The following PROS1 variants were observed in gnomAD, a reference collection of about 807,000 sequenced individuals.
The protein encoded by PROS1 is vitamin K-dependent protein S.
A neutral mutation model predicts 75.9 loss-of-function variants in PROS1; 29 were observed. The observed-to-expected ratio is 0.38, with a 90% confidence interval of 0.28 to 0.52. The LOEUF (loss-of-function observed/expected upper bound fraction) is 0.52, where lower values mean the gene tolerates loss of function less well. Ranked by LOEUF, PROS1 falls within the 20% of genes least tolerant of loss-of-function variation. The pLI is 0.83. For missense variants in PROS1, 680 were observed against 810.3 expected (o/e 0.84, Z 1.95); for synonymous variants, 245 against 280.6 (o/e 0.87, Z 1.27).
At chr3:93,895,225 C>T (rs1342191249) in intron 9 of PROS1, among the ~76,000 whole-genome samples, 1 of 151,944 alleles carries the variant, frequency 6.6e-6, no homozygotes, top group East Asian at 1.9e-4. Context: ...ATTATCTACC[C>T]GAGGTTGGTT....
chr3:93,916,624 A>T (rs377021726), intron 3 of PROS1, among the ~76,000 whole-genome samples: 1 of 152,296 alleles, frequency 6.6e-6, no homozygotes, highest in East Asian at 1.9e-4. Flanking sequence ...GAGGGTAAAC[A>T]GGAAGGTGAA....
At chr3:93,888,726 C>T (rs577479578) in intron 10 of PROS1, among the ~76,000 whole-genome samples, 5 of 152,258 alleles carry the variant, frequency 3.3e-5, no homozygotes, top group East Asian at 1.9e-4. Context: ...ATCTTCTCTC[C>T]GCTGGGTTAT....
At chr3:93,906,880 C>A (rs1228306942) in intron 4 of PROS1, among the ~76,000 whole-genome samples, 1 of 152,208 alleles carries the variant, frequency 6.6e-6, no homozygotes, top group Non-Finnish European at 1.5e-5. Context: ...AAGCTCAGGG[C>A]AGCGCTAACA....
chr3:93,943,667 T>C (rs1280596686), intron 1 of PROS1, among the ~76,000 whole-genome samples: 1 of 152,150 alleles, frequency 6.6e-6, no homozygotes, highest in Non-Finnish European at 1.5e-5. Context: ...TTCTTATTAA[T>C]ATAAGAAGAC....
intron 1 of PROS1, among the ~76,000 whole-genome samples, chr3:93,960,034 G>A (rs971817436): frequency 6.6e-6 from 1 of 152,140 alleles, no homozygotes; most frequent in Non-Finnish European, 1.5e-5. Context: ...TAGGCAATAA[G>A]TATTTATACT....
At chr3:93,912,496 GCCTA>G (rs1382223742) in intron 3 of PROS1, among the ~76,000 whole-genome samples, 4 of 152,102 alleles carry the variant, frequency 2.6e-5, no homozygotes, top group Non-Finnish European at 1.5e-5. Context: ...TCATTATTCA[GCCTA>G]CCATGGTGAG....
intron 4 of PROS1, among the ~76,000 whole-genome samples, chr3:93,909,030 G>A (rs1708716193): frequency 6.6e-6 from 1 of 152,134 alleles, no homozygotes; most frequent in African/African-American, 2.4e-5. Flanking sequence ...AAAGTTAATG[G>A]ATGGAAAAGT....
chr3:93,880,871 T>C (rs1708267322), intron 12 of PROS1, among the ~76,000 whole-genome samples: 1 of 152,240 alleles, frequency 6.6e-6, no homozygotes, highest in African/African-American at 2.4e-5. Context: ...CAGGATTTTT[T>C]TCCTTTGGCC....
intron 4 of PROS1, 119 bp from the exon 5 acceptor site, chr3:93,906,262 TTTC>T: frequency 9.6e-7 from 1 of 1,039,346 alleles, no homozygotes; most frequent in Non-Finnish European, 1.4e-6. Flanking sequence ...ACACAACTCC[TTTC>T]TTTAAATAAT....
chr3:93,924,577 A>G (rs933443355), intron 2 of PROS1, among the ~76,000 whole-genome samples: 2 of 152,002 alleles, frequency 1.3e-5, no homozygotes, highest in African/African-American at 2.4e-5. Flanking sequence ...TAATTTTTCC[A>G]TAATGATTAG....
chr3:93,892,988 T>C lies in PROS1; in HGVS notation c.1100A>G (p.His367Arg), dbSNP rs752399627. Residue 367 changes from histidine to arginine, a missense_variant, in exon 10 of 15, where the codon CAT becomes CGT. By Grantham distance (29) the His-to-Arg change is conservative. Transcript: ENST00000394236. ...GKIEVQLKNE[H>R]TSKITTGGDV... ...ACCTCCAGTTGTGATTTTGGATGTA[T>C]GTTCATTCTTAAGCTGAACTTCAAT... 1 of 1,613,160 alleles carries C rather than the reference T, an allele frequency of 6.2e-7. No homozygotes were observed. The highest frequency in any genetic ancestry group is 1.3e-5 in the African/African-American group (1 of 74,924).
chr3:93,897,921 C>T (rs1708527375), intron 8 of PROS1, among the ~76,000 whole-genome samples: 1 of 152,028 alleles, frequency 6.6e-6, no homozygotes, highest in Non-Finnish European at 1.5e-5. Flanking sequence ...ATCAACCTCT[C>T]TGAATTATGA....
chr3:93,949,347 C>T (rs1386808695), intron 1 of PROS1, among the ~76,000 whole-genome samples: 1 of 152,028 alleles, frequency 6.6e-6, no homozygotes, highest in Non-Finnish European at 1.5e-5. Context: ...TATTTCGTAC[C>T]CCACTTACCA....
chr3:93,909,654 T>C (rs565200135), intron 4 of PROS1, among the ~76,000 whole-genome samples: 26 of 152,256 alleles, frequency 1.7e-4, no homozygotes, highest in Middle Eastern at 3.4e-3. Context: ...TACATGTTCT[T>C]CCCATCCTTC....
intron 7 of PROS1, among the ~76,000 whole-genome samples, chr3:93,899,714 T>A (rs1203148038): frequency 6.6e-6 from 1 of 152,162 alleles, no homozygotes; most frequent in Non-Finnish European, 1.5e-5. Flanking sequence ...TGTAAAATTA[T>A]TATTGATTTA....
At chr3:93,888,115 T>A (rs1327745826) in intron 10 of PROS1, among the ~76,000 whole-genome samples, 1 of 152,238 alleles carries the variant, frequency 6.6e-6, no homozygotes, top group Non-Finnish European at 1.5e-5. Flanking sequence ...TTTGCTGCAC[T>A]ATTTTAGCAT....
intron 7 of PROS1, among the ~76,000 whole-genome samples, chr3:93,899,737 G>C (rs1354362155): frequency 1.3e-5 from 2 of 152,118 alleles, no homozygotes; most frequent in African/African-American, 2.4e-5. Flanking sequence ...CAACTTCATA[G>C]AGACAGAAAA....
rs530779201 is a variant in PROS1, at chr3:93,938,612, C to T, written c.77-11205G>A. 4.0e-4 allele frequency among the ~76,000 whole-genome samples: 61 copies of T among 152,278 alleles called. 1 individual carries two copies. The highest frequency in any genetic ancestry group is 1.4e-3 in the African/African-American group (59 of 41,552). ...TAAGCGGTCTTTTCACTCTCTTCTC[C>T]AGCCTCTCTTGCTACCCTTCAATCT... On this transcript the variant is annotated intron_variant, in intron 1 of 14. Coordinates refer to ENST00000394236, the MANE Select transcript of PROS1 (RefSeq NM_000313.4).
chr3:93,951,762 C>T lies in PROS1; in HGVS notation c.76+21912G>A, dbSNP rs182811672. Among the ~76,000 whole-genome samples the T allele has an allele frequency of 4.4e-4, 67 of 152,258 alleles. 1 individual carries two copies. The highest frequency in any genetic ancestry group is 1.4e-3 in the African/African-American group (59 of 41,538). The stretch of plus-strand genomic sequence containing the variant: ...ACCTTAAATGCAAATGGGCTAAATG[C>T]TCCAATTAAAAGACATAGACTGGCA... On this transcript the variant is annotated intron_variant, in intron 1 of 14. Coordinates refer to ENST00000394236, the MANE Select transcript of PROS1 (RefSeq NM_000313.4).
Sources: gnomAD v4.1 joint callset for allele counts (sites outside exome capture counted in the v4.1 genomes callset) on GRCh38, gnomAD v4.1.1 for gene constraint, MANE v1.5 for transcripts, NCBI Gene and HGNC (gene_info 2026-07-23, HGNC 2026-07-21) for gene names.